The following CDH12 variants were observed in gnomAD, a reference collection of about 807,000 sequenced individuals.
CDH12 encodes the protein cadherin-12.
In CDH12, 41 loss-of-function variants were observed where a neutral mutation model predicts 74.1. The ratio of observed to expected loss-of-function variants is 0.55; its 90% CI spans 0.43 to 0.72. The LOEUF (loss-of-function observed/expected upper bound fraction) is 0.72. CDH12 is among the 30% of genes least tolerant of loss of function. The pLI, the probability that CDH12 is intolerant of heterozygous loss-of-function variation, is 0.00. For missense variants in CDH12, 945 were observed against 977.2 expected (o/e 0.97, Z 0.44); for synonymous variants, 399 against 355.0 (o/e 1.12, Z -1.39).
At chr5:22,294,743 C>A (rs945499143) in intron 3 of CDH12, among the ~76,000 whole-genome samples, 3 of 152,222 alleles carry the variant, frequency 2.0e-5, no homozygotes, top group African/African-American at 7.2e-5. Flanking sequence ...AGGTTCTCCT[C>A]AGTTTGACTA....
intron 3 of CDH12, among the ~76,000 whole-genome samples, chr5:22,369,506 A>G (rs998199505): frequency 1.3e-5 from 2 of 152,206 alleles, no homozygotes; most frequent in Non-Finnish European, 2.9e-5. Context: ...ACATACAAAG[A>G]GAAAAAAATC....
chr5:22,708,818 A>G (rs927735886), intron 1 of CDH12, among the ~76,000 whole-genome samples: 4 of 152,214 alleles, frequency 2.6e-5, no homozygotes, highest in African/African-American at 9.6e-5. Flanking sequence ...AAATTTAGAA[A>G]ATTATTTGCT....
At chr5:22,850,289 G>C (rs1044323124) in intron 1 of CDH12, among the ~76,000 whole-genome samples, 2 of 151,970 alleles carry the variant, frequency 1.3e-5, no homozygotes, top group Admixed American at 1.3e-4. Flanking sequence ...TTTAAAGTTT[G>C]GTTATGATAT....
chr5:21,974,822 T>C (rs901881497), intron 6 of CDH12, among the ~76,000 whole-genome samples: 3 of 152,150 alleles, frequency 2.0e-5, no homozygotes, highest in Non-Finnish European at 4.4e-5. Context: ...CAAAATACAT[T>C]TTTTGCTTAA....
In CDH12 at chr5:21,751,739, A is replaced by G; in HGVS notation, c.2383T>C (p.Ter795GlnextTer6). The G allele has an allele frequency of 6.2e-7, 1 of 1,609,326 alleles. No homozygotes were observed. The change falls in exon 15 of 15, where the codon TAA becomes CAA. Residue 795 changes from the stop codon to glutamine (Q), a stop_lost. Transcript: ENST00000382254. Reference protein sequence around the residue: ...EESYNPDKVT* With the variant: ...EESYNPDKVTQ Reference sequence around the variant, plus strand: ...GTATTTTAGCCTCCACGACTCCCTTAAGTGACTTTATCAGGGTTATAACTC... The same window carrying G: ...GTATTTTAGCCTCCACGACTCCCTTGAGTGACTTTATCAGGGTTATAACTC...
chr5:21,773,277 G>A (rs2149886009), intron 11 of CDH12, among the ~76,000 whole-genome samples: 1 of 152,248 alleles, frequency 6.6e-6, no homozygotes, highest in Non-Finnish European at 1.5e-5. Context: ...TCCTGGATGT[G>A]TCTATGAGGG....
intron 1 of CDH12, among the ~76,000 whole-genome samples, chr5:22,825,430 G>A (rs1375758369): frequency 6.6e-6 from 1 of 152,092 alleles, no homozygotes; most frequent in Non-Finnish European, 1.5e-5. Context: ...TTTAAATAAA[G>A]ATCCGAAGAA....
chr5:22,772,294 A>T (rs1205878633), intron 1 of CDH12, among the ~76,000 whole-genome samples: 1 of 152,096 alleles, frequency 6.6e-6, no homozygotes, highest in Non-Finnish European at 1.5e-5. Context: ...GTACTCGAGG[A>T]ACAGCAAGAA....
intron 3 of CDH12, among the ~76,000 whole-genome samples, chr5:22,324,772 G>A (rs1229197338): frequency 1.3e-5 from 2 of 152,024 alleles, no homozygotes; most frequent in African/African-American, 2.4e-5. Context: ...TGTCTGATAC[G>A]TTCTTTAAGA....
At chr5:22,447,819 A>C (rs1256769880) in intron 2 of CDH12, among the ~76,000 whole-genome samples, 3 of 151,918 alleles carry the variant, frequency 2.0e-5, no homozygotes, top group Non-Finnish European at 4.4e-5. Flanking sequence ...TGCAGTTTAC[A>C]ATGTAAGTAA....
chr5:22,363,011 A>G lies in CDH12; in HGVS notation c.-333+42246T>C, dbSNP rs369224869. 7.3e-5 allele frequency among the ~76,000 whole-genome samples: 11 copies of G among 150,250 alleles called. No individual in the cohort carries two copies. In the South Asian group the frequency reaches 1.3e-3, roughly 18 times the overall value. On this transcript the variant is annotated intron_variant, in intron 3 of 14. Coordinates refer to ENST00000382254, the MANE Select transcript of CDH12 (RefSeq NM_004061.5). ...ACGAGTTAATGGGTGCAGCACACCA[A>G]CATGGCACATGTATATGTATGTAAC...
intron 4 of CDH12, among the ~76,000 whole-genome samples, chr5:22,153,278 C>T (rs1166922796): frequency 3.3e-5 from 5 of 150,256 alleles, no homozygotes; most frequent in Non-Finnish European, 5.9e-5. Context: ...GATGAATTAC[C>T]TAAAATTCTT....
At chr5:22,560,298 T>C (rs1738982636) in intron 1 of CDH12, among the ~76,000 whole-genome samples, 2 of 152,182 alleles carry the variant, frequency 1.3e-5, no homozygotes, top group South Asian at 4.1e-4. Context: ...ACCTGCTTCA[T>C]CCTCCAGGCA....
intron 1 of CDH12, among the ~76,000 whole-genome samples, chr5:22,835,269 T>A (rs1736773228): frequency 6.6e-6 from 1 of 152,170 alleles, no homozygotes. Flanking sequence ...TATCTTCTTG[T>A]TCTCGATTTG....
At chr5:22,319,964 GACTA>G (rs910729778) in intron 3 of CDH12, among the ~76,000 whole-genome samples, 6 of 152,214 alleles carry the variant, frequency 3.9e-5, no homozygotes, top group East Asian at 1.9e-4. Flanking sequence ...GGGAGATGGA[GACTA>G]ACTGACACTT....
chr5:21,868,829 C>A (rs761299471), intron 6 of CDH12, among the ~76,000 whole-genome samples: 4 of 152,052 alleles, frequency 2.6e-5, no homozygotes, highest in Non-Finnish European at 5.9e-5. Context: ...GATGTTGGAA[C>A]AAGTTAAGAC....
chr5:22,557,838 C>A (rs1230389132), intron 1 of CDH12, among the ~76,000 whole-genome samples: 1 of 152,082 alleles, frequency 6.6e-6, no homozygotes, highest in East Asian at 1.9e-4. Context: ...TATTCTCAAT[C>A]TTTTCTTTCA....
chr5:22,242,360 C>T (rs1050790476), intron 3 of CDH12, among the ~76,000 whole-genome samples: 5 of 152,028 alleles, frequency 3.3e-5, no homozygotes, highest in African/African-American at 9.7e-5. Context: ...CTATATTTTT[C>T]GTTTTTTTCA....
chr5:21,971,144 C>A (rs1277695032), intron 6 of CDH12, among the ~76,000 whole-genome samples: 1 of 151,876 alleles, frequency 6.6e-6, no homozygotes, highest in East Asian at 1.9e-4. Flanking sequence ...GCAAGAATCC[C>A]CATTCTCAAA....
Sources: allele counts gnomAD v4.1 joint callset (sites outside exome capture counted in the v4.1 genomes callset), GRCh38; gene constraint gnomAD v4.1.1; transcripts MANE v1.5; gene names NCBI Gene and HGNC (gene_info 2026-07-23, HGNC 2026-07-21).